The following SORBS2 variants were observed in gnomAD, a reference collection of about 807,000 sequenced individuals.
SORBS2 encodes sorbin and SH3 domain containing 2.
SORBS2 carries 46 observed loss-of-function variants against 97.7 expected under a neutral mutation model. The observed-to-expected ratio is 0.47, with a 90% CI of 0.37 to 0.60. SORBS2 has a LOEUF of 0.60. Among genes scored for constraint, SORBS2 ranks in the 20% least tolerant of loss-of-function variants. SORBS2 has a pLI of 0.00. For synonymous variants in SORBS2, 476 were observed against 473.4 expected (o/e 1.01, Z -0.07); for missense variants, 1,316 against 1,282.3 (o/e 1.03, Z -0.40).
intron 1 of SORBS2, among the ~76,000 whole-genome samples, chr4:185,655,216 C>G (rs984829825): frequency 6.6e-6 from 1 of 152,194 alleles, no homozygotes; most frequent in African/African-American, 2.4e-5. Flanking sequence ...TTTGTTGACT[C>G]TTGGCTTTCT....
chr4:185,887,850 T>C (rs2099240431), intron 1 of SORBS2, among the ~76,000 whole-genome samples: 1 of 152,118 alleles, frequency 6.6e-6, no homozygotes, highest in South Asian at 2.1e-4. Flanking sequence ...TTATTATCTG[T>C]AATTTTGTTC....
In SORBS2 at chr4:185,902,498, C is replaced by T. The variant is rs984344745; in HGVS notation, c.-338+53698G>A. 1.2e-4 allele frequency among the ~76,000 whole-genome samples: 18 copies of T among 151,958 alleles called. No individual in the cohort carries two copies. In the East Asian group the frequency reaches 3.5e-3, roughly 29 times the overall value. On this transcript the variant is annotated intron_variant, in intron 1 of 20. Coordinates refer to the SORBS2 transcript ENST00000284776. ...GTTCCTCAACATCTTAAGGTGAGGG[C>T]ATTTTCAAATTGTGAAAAATCCTTA...
intron 12 of SORBS2, among the ~76,000 whole-genome samples, chr4:185,600,908 GT>G (rs60162457): frequency 0.11 from 16,431 of 149,390 alleles, 981 homozygotes; most frequent in East Asian, 0.21. Flanking sequence ...CTGTTTTGGT[GT>G]TTTTTTTTTA....
intron 2 of SORBS2, among the ~76,000 whole-genome samples, chr4:185,753,990 C>T (rs2098816195): frequency 6.6e-6 from 1 of 152,178 alleles, no homozygotes; most frequent in African/African-American, 2.4e-5. Context: ...CATAAAGACA[C>T]ATGCACGCAT....
chr4:185,770,119 C>T (rs1264558922), intron 2 of SORBS2, among the ~76,000 whole-genome samples: 2 of 150,388 alleles, frequency 1.3e-5, no homozygotes, highest in South Asian at 2.1e-4. Context: ...CACCCTGTCA[C>T]CCAGGCTAGA....
At position 185,929,882 on chromosome 4, in the gene SORBS2, G is replaced by A. The variant is rs571258570; in HGVS notation, c.-338+26314C>T. Among the ~76,000 whole-genome samples, 16 of 152,230 alleles carry A rather than the reference G, an allele frequency of 1.1e-4. No homozygotes were observed. In the East Asian group the frequency reaches 2.7e-3, roughly 26 times the overall value. ...ATTTTGGGCGTGTGTGACACTATGG[G>A]TTGAATCTCATATTCTGCTATTGAC... On this transcript the variant is annotated intron_variant, in intron 1 of 20. Transcript: ENST00000284776.
At chr4:185,691,656 T>C (rs937051309) in intron 2 of SORBS2, among the ~76,000 whole-genome samples, 4 of 152,306 alleles carry the variant, frequency 2.6e-5, no homozygotes, top group Middle Eastern at 3.4e-3. Flanking sequence ...TGCATTAGTA[T>C]TGAATGCTGA....
At chr4:185,656,357 T>C (rs1458319275) in intron 1 of SORBS2, among the ~76,000 whole-genome samples, 2 of 152,084 alleles carry the variant, frequency 1.3e-5, no homozygotes, top group African/African-American at 2.4e-5. Flanking sequence ...ATAATCCCCA[T>C]ATAAGAATGT....
At chr4:185,669,182 T>C (rs1036843769) in intron 4 of SORBS2, among the ~76,000 whole-genome samples, 1 of 152,172 alleles carries the variant, frequency 6.6e-6, no homozygotes, top group Non-Finnish European at 1.5e-5. Flanking sequence ...AAAAGTGTAT[T>C]GAGTTGGATG....
exon 8 of SORBS2, chr4:185,620,149 G>T: frequency 1.9e-6 from 3 of 1,596,942 alleles, no homozygotes; most frequent in East Asian, 2.2e-5. Flanking sequence ...GGGGACTCAC[G>T]GTCTATTGGA....
At chr4:185,954,998 T>C (rs1446484244) in intron 1 of SORBS2, among the ~76,000 whole-genome samples, 2 of 152,092 alleles carry the variant, frequency 1.3e-5, no homozygotes, top group Non-Finnish European at 2.9e-5. Flanking sequence ...GGGCTAGCAA[T>C]TTAGAAACTA....
chr4:185,588,598 C>T (rs1221301253), intron 14 of SORBS2, among the ~76,000 whole-genome samples: 2 of 150,664 alleles, frequency 1.3e-5, no homozygotes, highest in Non-Finnish European at 3.0e-5. Flanking sequence ...CTCCTCCCTC[C>T]TCCTCCTCCC....
chr4:185,655,704 A>T (rs966884808), intron 1 of SORBS2, among the ~76,000 whole-genome samples: 3 of 152,230 alleles, frequency 2.0e-5, no homozygotes, highest in African/African-American at 7.2e-5. Context: ...TAAACATTTT[A>T]AAAATTTTAA....
intron 2 of SORBS2, among the ~76,000 whole-genome samples, chr4:185,685,569 T>A (rs2097941221): frequency 6.6e-6 from 1 of 152,224 alleles, no homozygotes; most frequent in Admixed American, 6.5e-5. Flanking sequence ...TCTTGCTCCA[T>A]CACCCAGGCT....
At chr4:185,868,083 T>C (rs931063164) in intron 1 of SORBS2, among the ~76,000 whole-genome samples, 2 of 151,978 alleles carry the variant, frequency 1.3e-5, no homozygotes, top group African/African-American at 4.8e-5. Context: ...AACAGGAATT[T>C]AGTTAGAGGG....
chr4:185,890,030 G>T (rs1327780818), intron 1 of SORBS2, among the ~76,000 whole-genome samples: 1 of 152,140 alleles, frequency 6.6e-6, no homozygotes, highest in Non-Finnish European at 1.5e-5. Flanking sequence ...GGGATTACAG[G>T]CATGTGCCAC....
chr4:185,931,468 G>A (rs1424033867), intron 1 of SORBS2, among the ~76,000 whole-genome samples: 1 of 152,178 alleles, frequency 6.6e-6, no homozygotes, highest in Non-Finnish European at 1.5e-5. Flanking sequence ...GACGAGCGGA[G>A]ACTGATGGCC....
intron 4 of SORBS2, among the ~76,000 whole-genome samples, chr4:185,637,571 C>T (rs996925297): frequency 6.6e-6 from 1 of 152,158 alleles, no homozygotes; most frequent in Non-Finnish European, 1.5e-5. Context: ...CTTACTCTGC[C>T]ATTTACTATT....
At position 185,783,616 on chromosome 4, in the gene SORBS2, T is replaced by TA. The variant is rs373216836; in HGVS notation, c.-337-8251dup. Among the ~76,000 whole-genome samples the TA allele has an allele frequency of 6.9e-3, 1,045 of 150,746 alleles. 9 individuals carry two copies. Among genetic ancestry groups the TA allele is most frequent in the African/African-American group, 0.024 (969 of 41,150 alleles). ...AGAGATCAGTAACCATGTTGTAGTT[T>TA]AAAAAAAAAATGCGAAGTCTTTGTT... On this transcript the variant is annotated intron_variant, in intron 1 of 20. Transcript: ENST00000284776.
Sources: gnomAD v4.1 joint callset for allele counts (sites outside exome capture counted in the v4.1 genomes callset) on GRCh38, gnomAD v4.1.1 for gene constraint, MANE v1.5 for transcripts, NCBI Gene and HGNC (gene_info 2026-07-23, HGNC 2026-07-21) for gene names.